The following YWHAE variants were observed in gnomAD, a reference collection of about 807,000 sequenced individuals.
YWHAE encodes the protein tyrosine 3-monooxygenase/tryptophan 5-monooxygenase activation protein epsilon.
YWHAE carries 4 observed loss-of-function variants against 30.1 expected under a neutral mutation model. The ratio of observed to expected loss-of-function variants is 0.13; its 90% confidence interval spans 0.07 to 0.30. YWHAE has a LOEUF of 0.30. Ranked by LOEUF, YWHAE falls within the 10% of genes least tolerant of loss-of-function variation. The probability of loss-of-function intolerance (pLI) is 1.00; values close to 1 mark genes in which losing one functional copy is unlikely to be tolerated. For missense variants in YWHAE, 121 were observed against 315.9 expected, an observed-to-expected ratio of 0.38 and a Z score of 4.68; for synonymous variants, 118 against 111.8, an observed-to-expected ratio of 1.06 and a Z score of -0.35.
chr17:1,359,498 GAATTGTGTA>G (rs1165067422), intron 4 of YWHAE, among the ~76,000 whole-genome samples: 1 of 152,124 alleles, frequency 6.6e-6, no homozygotes. Flanking sequence ...TACATAAAAT[GAATTGTGTA>G]AATTCAGTCA....
chr17:1,390,357 T>C (rs1401003250), intron 1 of YWHAE, among the ~76,000 whole-genome samples: 1 of 152,228 alleles, frequency 6.6e-6, no homozygotes, highest in African/African-American at 2.4e-5. Flanking sequence ...AGAATATTTC[T>C]TTGTGCATAT....
At chr17:1,354,874 G>A (rs1598228527) in intron 4 of YWHAE, among the ~76,000 whole-genome samples, 1 of 150,194 alleles carries the variant, frequency 6.7e-6, no homozygotes, top group Admixed American at 6.7e-5. Flanking sequence ...GTGTTAGCCA[G>A]GATGGTCTCG....
chr17:1,368,985 A>G (rs2072989135), intron 1 of YWHAE, among the ~76,000 whole-genome samples: 2 of 152,174 alleles, frequency 1.3e-5, no homozygotes, highest in Non-Finnish European at 2.9e-5. Flanking sequence ...TGCTTTACAA[A>G]TTTTCAACAA....
At chr17:1,398,602 T>C (rs62089574) in intron 1 of YWHAE, among the ~76,000 whole-genome samples, 9,135 of 152,206 alleles carry the variant, frequency 0.06, 308 homozygotes, top group Middle Eastern at 0.075. Flanking sequence ...AGATACTTGA[T>C]TCCAACCATG....
chr17:1,390,373 A>G (rs749371292), intron 1 of YWHAE, among the ~76,000 whole-genome samples: 1 of 152,242 alleles, frequency 6.6e-6, no homozygotes, highest in Non-Finnish European at 1.5e-5. Context: ...CATATCTTAC[A>G]TAAGGACTAA....
At chr17:1,374,130 T>C (rs373761548) in intron 1 of YWHAE, among the ~76,000 whole-genome samples, 1 of 151,952 alleles carries the variant, frequency 6.6e-6, no homozygotes, top group Non-Finnish European at 1.5e-5. Flanking sequence ...GGCCAAAACA[T>C]GGCAAAACCC....
At chr17:1,354,156 T>C in intron 5 of YWHAE, 55 bp downstream of exon 5, 2 of 1,593,498 alleles carry the variant, frequency 1.3e-6, no homozygotes, top group Non-Finnish European at 1.7e-6. Context: ...CTAAAGAGAG[T>C]ACAAACAAAT....
Position 1,369,837 on chromosome 17 carries a change from A to T in YWHAE, c.65-4779T>A, listed in dbSNP as rs537663636. 2.0e-4 allele frequency: 30 copies of T among 151,924 alleles called. No homozygotes were observed. In the East Asian group the frequency reaches 5.8e-3, roughly 29 times the overall value. 9.4% of individuals were successfully genotyped at this position (151,924 alleles called of 1,614,324 possible). ...TGTTTAAACTACACTGTAATCTATT[A>T]AGTGTACAACAGCATTATGTCTAAA... On this transcript the variant is annotated intron_variant, in intron 1 of 5. Coordinates refer to ENST00000264335, the MANE Select transcript of YWHAE (RefSeq NM_006761.5).
At chr17:1,355,116 TAAAAAAAA>T (rs869230957) in intron 4 of YWHAE, among the ~76,000 whole-genome samples, 319 of 17,172 alleles carry the variant, frequency 0.019, 9 homozygotes, top group African/African-American at 0.061. Flanking sequence ...CAAGATTTTT[TAAAAAAAA>T]AAAAAAAAAA....
intron 1 of YWHAE, among the ~76,000 whole-genome samples, chr17:1,378,303 G>C (rs1379563417): frequency 6.6e-6 from 1 of 152,178 alleles, no homozygotes; most frequent in African/African-American, 2.4e-5. Flanking sequence ...GAATTGTGTG[G>C]CTTTCAAATA....
chr17:1,394,892 A>G (rs1219268934), intron 1 of YWHAE, among the ~76,000 whole-genome samples: 1 of 151,862 alleles, frequency 6.6e-6, no homozygotes, highest in South Asian at 2.1e-4. Flanking sequence ...GCTTGAACCC[A>G]GGGGGCAGAG....
chr17:1,347,371 A>G (rs1442265163), intron 5 of YWHAE, among the ~76,000 whole-genome samples: 2 of 150,758 alleles, frequency 1.3e-5, no homozygotes, highest in Non-Finnish European at 3.0e-5. Context: ...ATGGGGCCAC[A>G]TGTCTATAGT....
At chr17:1,376,990 T>C (rs1443873856) in intron 1 of YWHAE, among the ~76,000 whole-genome samples, 3 of 151,406 alleles carry the variant, frequency 2.0e-5, no homozygotes, top group East Asian at 1.9e-4. Flanking sequence ...GCAATCTCAC[T>C]GCAACCTCCA....
intron 1 of YWHAE, among the ~76,000 whole-genome samples, chr17:1,389,337 A>G (rs2073354928): frequency 6.6e-6 from 1 of 152,180 alleles, no homozygotes; most frequent in South Asian, 2.1e-4. Context: ...AGGTCCTACA[A>G]AGTCTTCAGC....
chr17:1,385,291 G>A (rs1567981276), intron 1 of YWHAE, among the ~76,000 whole-genome samples: 1 of 152,060 alleles, frequency 6.6e-6, no homozygotes, highest in Non-Finnish European at 1.5e-5. Flanking sequence ...GTTATTCATT[G>A]TTGAGAAGAT....
At position 1,361,317 on chromosome 17, in the gene YWHAE, TAAAAAA is replaced by T; in HGVS notation, c.372-25_372-20del. 1 of 1,358,480 alleles carries T rather than the reference TAAAAAA, an allele frequency of 7.4e-7. No homozygotes were observed. Among genetic ancestry groups the T allele is most frequent in the Admixed American group, 2.5e-5 (1 of 39,498 alleles). The allele number at this position is 1,358,480 out of a possible 1,614,324, so 84.2% of individuals were successfully genotyped here. ...CCCTTTCCTAAAACAAAACCAAAAT[TAAAAAA>T]AAAAAAAAAATTTAAACTAGGAACG... On this transcript the variant is annotated intron_variant, in intron 3 of 5. Transcript: ENST00000264335.
intron 1 of YWHAE, among the ~76,000 whole-genome samples, chr17:1,376,623 A>C (rs1270748338): frequency 6.6e-6 from 1 of 152,134 alleles, no homozygotes; most frequent in African/African-American, 2.4e-5. Flanking sequence ...TCATACCTCT[A>C]ATATCTTTAC....
chr17:1,370,081 C>T (rs2073007361), intron 1 of YWHAE, among the ~76,000 whole-genome samples: 1 of 148,814 alleles, frequency 6.7e-6, no homozygotes, highest in Admixed American at 6.8e-5. Flanking sequence ...TTCTCTGTAG[C>T]ATCTGACGCT....
intron 1 of YWHAE, among the ~76,000 whole-genome samples, chr17:1,377,120 G>A (rs1270302658): frequency 1.3e-5 from 2 of 152,004 alleles, no homozygotes; most frequent in African/African-American, 4.8e-5. Context: ...CACCATGTTG[G>A]CCAGACTGGT....
Sources: allele counts gnomAD v4.1 joint callset (sites outside exome capture counted in the v4.1 genomes callset), GRCh38; gene constraint gnomAD v4.1.1; transcripts MANE v1.5; gene names NCBI Gene and HGNC (gene_info 2026-07-23, HGNC 2026-07-21).